TMEM198: variants seen among roughly 807,000 people sequenced by gnomAD.
The protein encoded by TMEM198 is transmembrane protein 198.
Under a neutral mutation model 31.5 loss-of-function variants are expected in TMEM198, and 21 were observed. That is an observed-to-expected ratio of 0.67 (90% CI 0.47 to 0.96). TMEM198 has a LOEUF of 0.96. Among genes scored for constraint, TMEM198 ranks in the 40% least tolerant of loss-of-function variants. TMEM198 has a pLI of 0.00. For synonymous variants in TMEM198, 211 were observed against 223.3 expected (o/e 0.95, Z 0.49); for missense variants, 447 against 499.4 (o/e 0.89, Z 1.00).
chr2:219,548,041 G>A lies in TMEM198; in HGVS notation c.702G>A (p.Val234=). The change falls in exon 3 of 5, where the codon GTG becomes GTA. Residue 234 remains valine (V), a synonymous_variant. Coordinates refer to ENST00000373883, the MANE Select transcript of TMEM198 (RefSeq NM_001005209.3). ...TGCTCAGCCTGATGGGCGTTCTGGT[G>A]CAGTGGAGGGTGACAGCTGAGGGGG... ...WPLLSLMGVL[V]QWRVTAEGDS... 6.3e-7 allele frequency: 1 copy of A among 1,581,678 alleles called. No individual in the cohort carries two copies. Among genetic ancestry groups the A allele is most frequent in the Non-Finnish European group, 8.6e-7 (1 of 1,165,662 alleles).
In TMEM198 at chr2:219,544,764, C is replaced by A. The variant is rs780512172; in HGVS notation, c.37C>A (p.Leu13Met). The A allele has an allele frequency of 6.2e-7, 1 of 1,614,058 alleles. No homozygotes were observed. Among genetic ancestry groups the A allele is most frequent in the African/African-American group, 1.3e-5 (1 of 74,940 alleles). ...GTVATLRFQL[L>M]PPEPDDAFWG... ...TGTGGCAACACTGCGGTTCCAGCTG[C>A]TGCCCCCTGAGCCAGATGATGCCTT... Residue 13 changes from leucine (L) to methionine (M), a missense_variant, in exon 2 of 5, where the codon CTG becomes ATG. Transcript: ENST00000373883.
At chr2:219,549,031 A>G (rs780632761) in intron 3 of TMEM198, 121 bp from the exon 4 acceptor site, 1 of 1,053,806 alleles carries the variant, frequency 9.5e-7, no homozygotes, top group African/African-American at 1.6e-5. Context: ...GGGTGGGAGT[A>G]AGGGGTTATG....
Position 219,549,755 on chromosome 2 carries a change from C to T in TMEM198, c.984C>T (p.Ser328=). 6.2e-7 allele frequency: 1 copy of T among 1,614,064 alleles called. No individual in the cohort carries two copies. Among genetic ancestry groups the T allele is most frequent in the Non-Finnish European group, 8.5e-7 (1 of 1,180,008 alleles). The change falls in exon 5 of 5, where the codon AGC becomes AGT. Residue 328 remains serine, a synonymous_variant. Transcript: ENST00000373883. ...IQSFRDRQTG[S]SLSSFMASPT... is the part of the protein sequence containing the mutation. ...GCTTCCGAGACCGGCAGACCGGGAG[C>T]TCCCTGAGCTCCTTCATGGCCTCAC... is the stretch of plus-strand genomic sequence containing the variant.
At chr2:219,545,672 C>T (rs1312656259) in intron 2 of TMEM198, among the ~76,000 whole-genome samples, 1 of 152,150 alleles carries the variant, frequency 6.6e-6, no homozygotes, top group Non-Finnish European at 1.5e-5. Flanking sequence ...AGTTACAGAA[C>T]TTCAGAGAGG....
At position 219,547,593 on chromosome 2, in the gene TMEM198, T is replaced by G; in HGVS notation, c.254T>G (p.Val85Gly). The part of the protein sequence containing the change: ...VIFLLCYRER[V>G]LETQLSAGAS... ...TTCCTCCTCTGCTACCGAGAGCGGG[T>G]GCTAGAGACACAGCTGAGTGCTGGG... The change falls in exon 3 of 5, where the codon GTG becomes GGG. Residue 85 changes from valine to glycine, a missense_variant. Coordinates refer to ENST00000373883, the MANE Select transcript of TMEM198 (RefSeq NM_001005209.3). The G allele has an allele frequency of 2.1e-6, 3 of 1,458,548 alleles. No homozygotes were observed. The highest frequency in any genetic ancestry group is 1.5e-5 in the South Asian group (1 of 65,328). 90.4% of individuals were successfully genotyped at this position (1,458,548 alleles called of 1,614,324 possible).
At chr2:219,547,096 CTG>C (rs1326608051) in intron 2 of TMEM198, 3 of 164,346 alleles carry the variant, frequency 1.8e-5, no homozygotes, top group African/African-American at 7.1e-5. Flanking sequence ...TACCTCATCT[CTG>C]TGAGCAATCC....
intron 3 of TMEM198, among the ~76,000 whole-genome samples, chr2:219,548,542 G>A (rs1574506842): frequency 6.6e-6 from 1 of 152,224 alleles, no homozygotes. Context: ...GGCCAGCCAT[G>A]CAAAGAGCTA....
intron 2 of TMEM198, chr2:219,547,240 T>C (rs1461483176): frequency 2.8e-6 from 1 of 360,644 alleles, no homozygotes; most frequent in Non-Finnish European, 5.0e-6. Flanking sequence ...TCCTAACTCC[T>C]GTGATCCTCA....
At chr2:219,546,509 A>T (rs1695390356) in intron 2 of TMEM198, among the ~76,000 whole-genome samples, 1 of 151,886 alleles carries the variant, frequency 6.6e-6, no homozygotes, top group Non-Finnish European at 1.5e-5. Context: ...TAACCTCATT[A>T]TCTGATCACC....
At chr2:219,547,193 A>G in intron 2 of TMEM198, 1 of 261,310 alleles carries the variant, frequency 3.8e-6, no homozygotes, top group East Asian at 6.7e-5. Context: ...TCCCAAAGAC[A>G]CCAATGCACG....
intron 3 of TMEM198, 115 bp downstream of exon 3, chr2:219,548,196 A>G (rs1695434702): frequency 1.0e-6 from 1 of 993,418 alleles, no homozygotes; most frequent in Non-Finnish European, 1.4e-6. Flanking sequence ...GGCGGTAGAG[A>G]GCTGACTTGC....
At chr2:219,546,646 C>T (rs906024746) in intron 2 of TMEM198, among the ~76,000 whole-genome samples, 1 of 152,122 alleles carries the variant, frequency 6.6e-6, no homozygotes, top group Non-Finnish European at 1.5e-5. Context: ...ACCTCATTTT[C>T]TGGGACAACT....
chr2:219,549,029 G>A (rs756534619), intron 3 of TMEM198, 123 bp from the exon 4 acceptor site: 1 of 1,045,578 alleles, frequency 9.6e-7, no homozygotes, highest in Non-Finnish European at 1.4e-6. Context: ...CAGGGTGGGA[G>A]TAAGGGGTTA....
intron 3 of TMEM198, 110 bp from the exon 4 acceptor site, chr2:219,549,042 G>C (rs1695463810): frequency 4.0e-6 from 5 of 1,249,660 alleles, no homozygotes; most frequent in Non-Finnish European, 5.7e-6. Flanking sequence ...AGGGGTTATG[G>C]ACAAGAGGAA....
At chr2:219,548,227 AC>A in intron 3 of TMEM198, 146 bp downstream of exon 3, 1 of 744,532 alleles carries the variant, frequency 1.3e-6, no homozygotes, top group Non-Finnish European at 2.1e-6. Context: ...GGAGGATAGC[AC>A]CCAGGTGCCA....
chr2:219,547,206 T>G, intron 2 of TMEM198: 1 of 288,570 alleles, frequency 3.5e-6, no homozygotes, highest in Non-Finnish European at 6.4e-6. Flanking sequence ...AATGCACGAA[T>G]TCACTCTTGA....
Position 219,549,762 on chromosome 2 carries a change from A to G in TMEM198, c.991A>G (p.Ser331Gly), listed in dbSNP as rs1383712491. The G allele has an allele frequency of 1.9e-6, 3 of 1,614,006 alleles. No homozygotes were observed. The South Asian group carries it at 3.3e-5, about 18-fold the overall frequency. The change falls in exon 5 of 5, where the codon AGC (serine) becomes GGC (glycine). Residue 331 changes from serine (S) to glycine (G), a missense_variant. Ser to Gly is a moderately conservative substitution (Grantham distance 56). Coordinates refer to ENST00000373883, the MANE Select transcript of TMEM198 (RefSeq NM_001005209.3). ...FRDRQTGSSL[S>G]SFMASPTDAD... ...AGACCGGCAGACCGGGAGCTCCCTG[A>G]GCTCCTTCATGGCCTCACCCACAGA... is the stretch of plus-strand genomic sequence containing the variant.
At chr2:219,549,650 C>A in intron 4 of TMEM198, 67 bp from the exon 5 acceptor site, 1 of 1,592,082 alleles carries the variant, frequency 6.3e-7, no homozygotes, top group South Asian at 1.1e-5. Flanking sequence ...TGTGGGAATT[C>A]AGGAAGAGGT....
At chr2:219,547,355 T>G in intron 2 of TMEM198, 151 bp from the exon 3 acceptor site, 1 of 585,706 alleles carries the variant, frequency 1.7e-6, no homozygotes, top group Non-Finnish European at 2.7e-6. Flanking sequence ...CCATCACTGA[T>G]GCCGTCATGA....
Sources: gnomAD v4.1 joint callset for allele counts (sites outside exome capture counted in the v4.1 genomes callset) on GRCh38, gnomAD v4.1.1 for gene constraint, MANE v1.5 for transcripts, NCBI Gene and HGNC (gene_info 2026-07-23, HGNC 2026-07-21) for gene names.